The following MYOM1 variants were observed in gnomAD, a reference collection of about 807,000 sequenced individuals.
MYOM1 encodes myomesin 1, also known as myomesin-1.
MYOM1 carries 164 observed loss-of-function variants against 205.3 expected under a neutral mutation model. The observed-to-expected ratio is 0.80, with a 90% CI of 0.70 to 0.91. MYOM1 has a LOEUF of 0.91. MYOM1 is among the 40% of genes least tolerant of loss of function. The probability of loss-of-function intolerance (pLI) is 0.00; values close to 1 mark genes in which losing one functional copy is unlikely to be tolerated. For missense variants in MYOM1, 2,011 were observed against 2,127.3 expected (o/e 0.95, Z 1.08); for synonymous variants, 772 against 789.4 (o/e 0.98, Z 0.37).
At chr18:3,191,408 G>A (rs565834223) in intron 3 of MYOM1, among the ~76,000 whole-genome samples, 1 of 152,300 alleles carries the variant, frequency 6.6e-6, no homozygotes, top group Non-Finnish European at 1.5e-5. Context: ...AAGTCACTCT[G>A]CCATGATTTC....
Position 3,075,770 on chromosome 18 carries a change from G to GA in MYOM1, c.4649-10dup. On this transcript the variant is annotated splice_polypyrimidine_tract_variant and intron_variant, in intron 34 of 37. Transcript: ENST00000356443. ...ATAGGCCTCATCGTATGCTTTAAAA[G>GA]AAAAAAGAAAAGTTAGAATTTTCTC... 6.3e-7 allele frequency: 1 copy of GA among 1,575,142 alleles called. No homozygotes were observed.
At chr18:3,142,511 T>A (rs2080065732) in intron 13 of MYOM1, among the ~76,000 whole-genome samples, 1 of 152,122 alleles carries the variant, frequency 6.6e-6, no homozygotes, top group South Asian at 2.1e-4. Flanking sequence ...GCTGAAGTGA[T>A]CCTCCTGCCT....
Position 3,141,092 on chromosome 18 carries a change from A to G in MYOM1, c.2025+847T>C, listed in dbSNP as rs554123594. On this transcript the variant is annotated intron_variant, in intron 14 of 37. Transcript: ENST00000356443. ...TAAATGTCGTTTTCCAGTAGCAATG[A>G]TCCTGTTAGCCAAGGACTTCTTACC... Among the ~76,000 whole-genome samples the G allele has an allele frequency of 1.3e-4, 20 of 152,234 alleles. No homozygotes were observed. The South Asian group carries it at 3.9e-3, about 30-fold the overall frequency.
chr18:3,186,802 G>GAAAGAA (rs1555628121), intron 5 of MYOM1, among the ~76,000 whole-genome samples: 3 of 138,788 alleles, frequency 2.2e-5, no homozygotes, highest in Non-Finnish European at 3.1e-5. Flanking sequence ...AAGAAAGAAA[G>GAAAGAA]AGAAAGAAAG....
chr18:3,227,380 G>C, the MYOM1 span, among the ~76,000 whole-genome samples: 1 of 152,120 alleles, frequency 6.6e-6, no homozygotes, highest in Admixed American at 6.5e-5. Flanking sequence ...AGGACAAATA[G>C]TGTATGATTC....
At chr18:3,155,397 T>C (rs1193587824) in intron 10 of MYOM1, among the ~76,000 whole-genome samples, 1 of 152,198 alleles carries the variant, frequency 6.6e-6, no homozygotes, top group East Asian at 1.9e-4. Context: ...AATTTCTTTT[T>C]GTATTTTTGG....
At chr18:3,217,532 A>T (rs763185696) in intron 1 of MYOM1, among the ~76,000 whole-genome samples, 1 of 152,220 alleles carries the variant, frequency 6.6e-6, no homozygotes, top group Non-Finnish European at 1.5e-5. Flanking sequence ...GGGAAGCTGG[A>T]TACATGACTC....
chr18:3,179,759 T>C lies in MYOM1; in HGVS notation c.930-3625A>G, dbSNP rs1245907159. On this transcript the variant is annotated intron_variant, in intron 5 of 37. Transcript: ENST00000356443. The surrounding 1 kb of genome is among the most constrained non-coding windows in gnomAD (Gnocchi z 4.4). The stretch of plus-strand genomic sequence containing the variant: ...TTCCCCGTTTAGATGAAGTACAGGG[T>C]AGAACATGTTAATTGGCATGCTCTT... 6.6e-6 allele frequency among the ~76,000 whole-genome samples: 1 copy of C among 152,164 alleles called. No homozygotes were observed. Among genetic ancestry groups the C allele is most frequent in the African/African-American group, 2.4e-5 (1 of 41,444 alleles).
intron 25 of MYOM1, among the ~76,000 whole-genome samples, chr18:3,097,131 C>T (rs2079315842): frequency 6.6e-6 from 1 of 152,156 alleles, no homozygotes; most frequent in Admixed American, 6.5e-5. Context: ...ATTACATTCT[C>T]TAAGAAATAA....
the MYOM1 span, among the ~76,000 whole-genome samples, chr18:3,245,542 T>G: frequency 6.6e-6 from 1 of 152,154 alleles, no homozygotes; most frequent in Non-Finnish European, 1.5e-5. Context: ...AAATACTAGG[T>G]GGACATTTGA....
At chr18:3,237,826 G>A in the MYOM1 span, among the ~76,000 whole-genome samples, 2 of 152,218 alleles carry the variant, frequency 1.3e-5, no homozygotes, top group Admixed American at 6.5e-5. Context: ...AATGGTCATA[G>A]AATTTCAGTT....
At chr18:3,124,618 C>T (rs376302453) in intron 19 of MYOM1, among the ~76,000 whole-genome samples, 275 of 152,150 alleles carry the variant, frequency 1.8e-3, no homozygotes, top group African/African-American at 6.1e-3. Context: ...CGTGAGCCAC[C>T]GCGCCCGGCC....
intron 16 of MYOM1, among the ~76,000 whole-genome samples, chr18:3,132,165 A>ATT (rs1555621190): frequency 1.3e-5 from 2 of 148,382 alleles, no homozygotes; most frequent in Non-Finnish European, 3.0e-5. Context: ...ATATATATAT[A>ATT]TTTTGAGACG....
intron 34 of MYOM1, among the ~76,000 whole-genome samples, chr18:3,077,980 G>A (rs542802480): frequency 5.9e-5 from 9 of 152,196 alleles, no homozygotes; most frequent in South Asian, 2.1e-4. Context: ...GAAGGGCGAC[G>A]CTCTAAGTGA....
the MYOM1 span, among the ~76,000 whole-genome samples, chr18:3,239,041 C>T: frequency 5.3e-5 from 8 of 152,326 alleles, no homozygotes; most frequent in Admixed American, 5.2e-4. Flanking sequence ...CCTTGATTCT[C>T]CTCTGCTGTG....
intron 10 of MYOM1, among the ~76,000 whole-genome samples, chr18:3,157,258 T>C (rs2080314071): frequency 6.6e-6 from 1 of 152,196 alleles, no homozygotes; most frequent in Admixed American, 6.5e-5. Flanking sequence ...AACATTTGTA[T>C]AGCATTGCTT....
chr18:3,176,165 G>A, intron 5 of MYOM1, 31 bp from the exon 6 acceptor site: 1 of 1,352,204 alleles, frequency 7.4e-7, no homozygotes, highest in Non-Finnish European at 1.1e-6. Context: ...AATGAAGTAA[G>A]TTGAAGTGTA....
At chr18:3,173,185 ATGAC>A (rs1359272367) in intron 8 of MYOM1, among the ~76,000 whole-genome samples, 1 of 152,268 alleles carries the variant, frequency 6.6e-6, no homozygotes, top group Non-Finnish European at 1.5e-5. Flanking sequence ...TGTAAATGAA[ATGAC>A]TGACATTCAC....
chr18:3,071,076 A>T (rs1371203105), intron 37 of MYOM1, among the ~76,000 whole-genome samples: 1 of 152,072 alleles, frequency 6.6e-6, no homozygotes, highest in Admixed American at 6.6e-5. Flanking sequence ...ACATGCTCTC[A>T]GGAGCCCCTG....
Sources: allele counts gnomAD v4.1 joint callset (sites outside exome capture counted in the v4.1 genomes callset), GRCh38; gene constraint gnomAD v4.1.1; non-coding constraint Gnocchi (gnomAD v3.1); transcripts MANE v1.5; gene names NCBI Gene and HGNC (gene_info 2026-07-23, HGNC 2026-07-21).